The following SIMC1 variants were observed in gnomAD, a reference collection of about 807,000 sequenced individuals.
SIMC1 encodes the protein SUMO-interacting motif-containing protein 1.
A neutral mutation model predicts 82.3 loss-of-function variants in SIMC1; 55 were observed. That is an observed-to-expected ratio of 0.67 (90% CI 0.54 to 0.84). The LOEUF is 0.84. SIMC1 is among the 40% of genes least tolerant of loss of function. The probability of loss-of-function intolerance (pLI) is 0.00; values close to 1 mark genes in which losing one functional copy is unlikely to be tolerated. For missense variants in SIMC1, 915 were observed against 1,107.2 expected (o/e 0.83, Z 2.46); for synonymous variants, 353 against 426.3 (o/e 0.83, Z 2.12).
At chr5:176,298,146 C>T (rs1763899746) in intron 4 of SIMC1, among the ~76,000 whole-genome samples, 1 of 152,180 alleles carries the variant, frequency 6.6e-6, no homozygotes, top group African/African-American at 2.4e-5. Flanking sequence ...TAACCAAGAA[C>T]ATAGTCTATC....
At chr5:176,310,352 C>T (rs573240731) in intron 4 of SIMC1, among the ~76,000 whole-genome samples, 1 of 152,264 alleles carries the variant, frequency 6.6e-6, no homozygotes, top group East Asian at 1.9e-4. Context: ...TGTACTTGTA[C>T]CCAAATATTC....
At chr5:176,324,867 A>G (rs1765311280) in intron 7 of SIMC1, 110 bp downstream of exon 7, 2 of 1,246,086 alleles carry the variant, frequency 1.6e-6, no homozygotes, top group Non-Finnish European at 2.2e-6. Context: ...CCTGTCAGGA[A>G]CAGAATTTTA....
intron 4 of SIMC1, chr5:176,313,314 G>GTTTC: frequency 6.8e-7 from 1 of 1,464,120 alleles, no homozygotes; most frequent in South Asian, 1.5e-5. Context: ...CAGTGAGAGG[G>GTTTC]AGAGATTGAC....
At chr5:176,253,263 G>C (rs572860952) in intron 1 of SIMC1, among the ~76,000 whole-genome samples, 1 of 152,304 alleles carries the variant, frequency 6.6e-6, no homozygotes, top group African/African-American at 2.4e-5. Flanking sequence ...GCTTCCCTTT[G>C]TGGGTAACCC....
In SIMC1 at chr5:176,345,185, C is replaced by A; in HGVS notation, c.2416C>A (p.His806Asn). ...ACTGACTTTTTTCCCTCTTGCAGAACACTTAAGGAGTTCCGTGATCGACCG... is the reference window on the plus strand; with the variant it reads ...ACTGACTTTTTTCCCTCTTGCAGAAAACTTAAGGAGTTCCGTGATCGACCG... Reference protein sequence around the residue: ...LSSYQHVLREHLRSSVIDRKD... With the variant: ...LSSYQHVLRENLRSSVIDRKD... Residue 806 changes from histidine (H) to asparagine (N), a missense_variant and splice_region_variant, in exon 10 of 10, where the codon CAC becomes AAC. His to Asn is a moderately conservative substitution (Grantham distance 68). Transcript: ENST00000429602. 6.2e-7 allele frequency: 1 copy of A among 1,613,128 alleles called. No homozygotes were observed. Among genetic ancestry groups the A allele is most frequent in the Non-Finnish European group, 8.5e-7 (1 of 1,179,436 alleles).
rs117024051 is a variant in SIMC1, at chr5:176,299,764, A to G, written c.1734+3444A>G. ...TAAGGAAACAGAGCACTTGAACAAT[A>G]CTATAGGCCACTTAACCATAGACAT... On this transcript the variant is annotated intron_variant, in intron 4 of 9. Transcript: ENST00000429602. Among the ~76,000 whole-genome samples the G allele has an allele frequency of 2.6e-4, 39 of 152,226 alleles. No individual in the cohort carries two copies. In the East Asian group the frequency reaches 2.7e-3, roughly 11 times the overall value.
At chr5:176,291,804 C>T (rs1763588436) in intron 2 of SIMC1, among the ~76,000 whole-genome samples, 1 of 152,154 alleles carries the variant, frequency 6.6e-6, no homozygotes, top group South Asian at 2.1e-4. Context: ...TAAGCCTTAG[C>T]TTTCCTATCT....
At chr5:176,330,673 A>G (rs998025827) in intron 7 of SIMC1, among the ~76,000 whole-genome samples, 2 of 152,212 alleles carry the variant, frequency 1.3e-5, no homozygotes, top group Admixed American at 1.3e-4. Flanking sequence ...CAGTGCTGAT[A>G]GGAAGAAAGA....
intron 1 of SIMC1, among the ~76,000 whole-genome samples, chr5:176,252,011 TTC>T (rs1561671322): frequency 6.6e-6 from 1 of 151,990 alleles, no homozygotes; most frequent in East Asian, 1.9e-4. Context: ...ACCATCCGAT[TTC>T]TCAATCTTTT....
intron 7 of SIMC1, among the ~76,000 whole-genome samples, chr5:176,333,621 G>T (rs1342740594): frequency 6.6e-6 from 1 of 152,066 alleles, no homozygotes; most frequent in East Asian, 1.9e-4. Flanking sequence ...GTAGAGACGG[G>T]GTTTCACCGT....
At chr5:176,294,819 G>A (rs1358798642) in intron 2 of SIMC1, 3 of 508,358 alleles carry the variant, frequency 5.9e-6, no homozygotes, top group African/African-American at 2.0e-5. Flanking sequence ...AAGAAAATTA[G>A]CCGGGCGTGG....
chr5:176,277,206 G>A (rs1762747678), intron 1 of SIMC1, among the ~76,000 whole-genome samples: 1 of 151,630 alleles, frequency 6.6e-6, no homozygotes. Flanking sequence ...CAGTGATGAT[G>A]AGCATTTTTT....
chr5:176,271,532 T>G (rs1214011373), intron 1 of SIMC1, among the ~76,000 whole-genome samples: 1 of 151,986 alleles, frequency 6.6e-6, no homozygotes, highest in Non-Finnish European at 1.5e-5. Context: ...AAAATTAGAC[T>G]CATGGTGATA....
intron 4 of SIMC1, among the ~76,000 whole-genome samples, chr5:176,305,142 G>A (rs1264004409): frequency 7.8e-6 from 1 of 128,502 alleles, no homozygotes; most frequent in Admixed American, 7.4e-5. Context: ...CAGGAGGGGG[G>A]GGGGGTCAGC....
intron 1 of SIMC1, among the ~76,000 whole-genome samples, chr5:176,282,067 G>C (rs1255383807): frequency 6.6e-6 from 1 of 152,274 alleles, no homozygotes; most frequent in Admixed American, 6.5e-5. Context: ...GCCTCCTTGA[G>C]CTGTGGTGGG....
chr5:176,271,954 A>G (rs1238726352), intron 1 of SIMC1, among the ~76,000 whole-genome samples: 1 of 144,942 alleles, frequency 6.9e-6, no homozygotes, highest in Admixed American at 7.1e-5. Context: ...TATATTATAT[A>G]TTATGTATAT....
chr5:176,317,067 T>C (rs893062979), intron 5 of SIMC1, among the ~76,000 whole-genome samples: 8 of 152,210 alleles, frequency 5.3e-5, no homozygotes, highest in Non-Finnish European at 1.0e-4. Context: ...TGTTTTGTGC[T>C]TACTCAATGA....
At chr5:176,291,911 C>T (rs930112667) in intron 2 of SIMC1, among the ~76,000 whole-genome samples, 17 of 152,170 alleles carry the variant, frequency 1.1e-4, no homozygotes, top group African/African-American at 4.1e-4. Context: ...TATCTTCTAG[C>T]TGGATGTGGT....
chr5:176,306,557 G>A (rs1259570489), intron 4 of SIMC1, among the ~76,000 whole-genome samples: 1 of 151,024 alleles, frequency 6.6e-6, no homozygotes, highest in African/African-American at 2.4e-5. Context: ...TTTTCATTTT[G>A]TTCTGCACTA....
Sources: allele counts gnomAD v4.1 joint callset (sites outside exome capture counted in the v4.1 genomes callset), GRCh38; gene constraint gnomAD v4.1.1; transcripts MANE v1.5; gene names NCBI Gene and HGNC (gene_info 2026-07-23, HGNC 2026-07-21).